TBC1D22A: variants seen among roughly 807,000 people sequenced by gnomAD.
TBC1D22A encodes TBC1 domain family member 22A.
A neutral mutation model predicts 60.2 loss-of-function variants in TBC1D22A; 38 were observed. The observed-to-expected ratio is 0.63, with a 90% CI of 0.49 to 0.83. The LOEUF (loss-of-function observed/expected upper bound fraction) is 0.83, where lower values mean the gene tolerates loss of function less well. TBC1D22A is among the 40% of genes least tolerant of loss of function. The pLI, the probability that TBC1D22A is intolerant of heterozygous loss-of-function variation, is 0.00. For missense variants in TBC1D22A, 628 were observed against 701.0 expected (o/e 0.90, Z 1.18); for synonymous variants, 302 against 281.7 (o/e 1.07, Z -0.72).
chr22:47,162,847 G>A (rs1057442268), intron 12 of TBC1D22A, among the ~76,000 whole-genome samples: 1 of 149,964 alleles, frequency 6.7e-6, no homozygotes, highest in Non-Finnish European at 1.5e-5. Context: ...GTGGGACTGC[G>A]GACCCGGTGT....
chr22:46,909,206 T>G (rs73478566), intron 7 of TBC1D22A, among the ~76,000 whole-genome samples: 5 of 151,928 alleles, frequency 3.3e-5, no homozygotes, highest in Admixed American at 6.6e-5. Flanking sequence ...TGTGTGTGTG[T>G]GCGTGCATGT....
intron 4 of TBC1D22A, among the ~76,000 whole-genome samples, chr22:46,847,004 G>T (rs773035521): frequency 6.6e-6 from 1 of 152,156 alleles, no homozygotes; most frequent in African/African-American, 2.4e-5. Flanking sequence ...GGAATCTCGC[G>T]TGGGGTTCAG....
intron 12 of TBC1D22A, among the ~76,000 whole-genome samples, chr22:47,114,955 G>A (rs545500367): frequency 1.3e-5 from 2 of 152,042 alleles, no homozygotes; most frequent in East Asian, 1.9e-4. Flanking sequence ...AGCCTCATGC[G>A]GGCATGGTTT....
intron 8 of TBC1D22A, among the ~76,000 whole-genome samples, chr22:46,953,631 A>G (rs1193092284): frequency 1.3e-5 from 2 of 152,212 alleles, no homozygotes; most frequent in East Asian, 1.9e-4. Context: ...TTTACTGGGT[A>G]CAGAATCCTG....
At chr22:46,884,474 G>A (rs1444179618) in intron 5 of TBC1D22A, among the ~76,000 whole-genome samples, 1 of 152,200 alleles carries the variant, frequency 6.6e-6, no homozygotes, top group African/African-American at 2.4e-5. Context: ...AGTGCCGTGG[G>A]CTCCTCCCAC....
intron 4 of TBC1D22A, among the ~76,000 whole-genome samples, chr22:46,869,806 A>G (rs1270213197): frequency 6.6e-6 from 1 of 152,230 alleles, no homozygotes; most frequent in Non-Finnish European, 1.5e-5. Context: ...TTAATAAGAA[A>G]TGAATCTTAA....
At chr22:47,156,533 G>A (rs1329190431) in intron 12 of TBC1D22A, among the ~76,000 whole-genome samples, 2 of 152,164 alleles carry the variant, frequency 1.3e-5, no homozygotes, top group African/African-American at 2.4e-5. Flanking sequence ...TGCCTAGCTT[G>A]AGGCTGGCCG....
In TBC1D22A at chr22:46,999,110, G is replaced by A. The variant is rs543491753; in HGVS notation, c.1201+1401G>A. Among the ~76,000 whole-genome samples, 7 of 152,320 alleles carry A rather than the reference G, an allele frequency of 4.6e-5. No homozygotes were observed. In the East Asian group the frequency reaches 9.7e-4, roughly 21 times the overall value. ...CTTGGAAGGCGTATTTCGTGTTTTC[G>A]TGGAGGTTAGAAAGTTGTGGTTAGT... On this transcript the variant is annotated intron_variant, in intron 10 of 12. Coordinates refer to ENST00000337137, the MANE Select transcript of TBC1D22A (RefSeq NM_014346.5).
intron 11 of TBC1D22A, among the ~76,000 whole-genome samples, chr22:47,075,881 A>G (rs1373490616): frequency 6.6e-6 from 1 of 152,182 alleles, no homozygotes; most frequent in African/African-American, 2.4e-5. Context: ...TCATGACTAA[A>G]GAAAGTTGCA....
At chr22:46,786,205 A>G (rs1478133337) in intron 1 of TBC1D22A, among the ~76,000 whole-genome samples, 1 of 152,218 alleles carries the variant, frequency 6.6e-6, no homozygotes, top group African/African-American at 2.4e-5. Context: ...TAGTTTGTTG[A>G]TAATTTTTAT....
chr22:47,052,454 G>T (rs770818558), intron 11 of TBC1D22A, among the ~76,000 whole-genome samples: 1 of 152,180 alleles, frequency 6.6e-6, no homozygotes, highest in Admixed American at 6.5e-5. Context: ...GATCCATTTA[G>T]AAGGAGACAG....
chr22:46,813,505 T>C (rs2085468219), intron 4 of TBC1D22A, among the ~76,000 whole-genome samples: 1 of 152,248 alleles, frequency 6.6e-6, no homozygotes, highest in African/African-American at 2.4e-5. Flanking sequence ...GAAGAATGCT[T>C]TAATAATAGT....
intron 8 of TBC1D22A, among the ~76,000 whole-genome samples, chr22:46,965,443 T>G (rs6008008): frequency 6.6e-6 from 1 of 152,238 alleles, no homozygotes; most frequent in South Asian, 2.1e-4. Flanking sequence ...CCGGCTGCAC[T>G]GTCTGGGCTC....
chr22:47,086,573 G>A (rs1460130900), intron 11 of TBC1D22A, among the ~76,000 whole-genome samples: 3 of 152,156 alleles, frequency 2.0e-5, no homozygotes, highest in Non-Finnish European at 2.9e-5. Flanking sequence ...CAATTATTTC[G>A]GGATAAAAGT....
chr22:47,035,772 T>C (rs577289516), intron 10 of TBC1D22A, among the ~76,000 whole-genome samples: 1 of 152,220 alleles, frequency 6.6e-6, no homozygotes, highest in Admixed American at 6.5e-5. Context: ...CCAGCCCCTG[T>C]CCTTAGGTGA....
rs200278658 is a variant in TBC1D22A, at chr22:47,066,349, G to A, written c.1329+29151G>A. 3.3e-5 allele frequency among the ~76,000 whole-genome samples: 5 copies of A among 152,300 alleles called. No individual in the cohort carries two copies. In the East Asian group the frequency reaches 5.8e-4, roughly 18 times the overall value. The stretch of plus-strand genomic sequence containing the variant: ...GGGGGTTCCTCGGAATGCTGGTGGC[G>A]TGTGCCGGGACGTACGTGCGGGACT... On this transcript the variant is annotated intron_variant, in intron 11 of 12. Transcript: ENST00000337137.
chr22:47,110,282 C>G (rs1339284398), intron 11 of TBC1D22A, among the ~76,000 whole-genome samples: 2 of 152,096 alleles, frequency 1.3e-5, no homozygotes, highest in East Asian at 3.9e-4. Flanking sequence ...GAGTTCGAGA[C>G]CAGCCTGGCC....
chr22:46,864,954 G>A (rs1245134087), intron 4 of TBC1D22A, among the ~76,000 whole-genome samples: 1 of 152,160 alleles, frequency 6.6e-6, no homozygotes, highest in Non-Finnish European at 1.5e-5. Flanking sequence ...TGGTTGCTAT[G>A]AGCCTCCCAT....
chr22:46,826,058 A>G (rs2086047247), intron 4 of TBC1D22A, among the ~76,000 whole-genome samples: 1 of 151,612 alleles, frequency 6.6e-6, no homozygotes, highest in African/African-American at 2.4e-5. Flanking sequence ...AATTTTTTGT[A>G]TTTTTAGTGA....
Sources: gnomAD v4.1 joint callset for allele counts (sites outside exome capture counted in the v4.1 genomes callset) on GRCh38, gnomAD v4.1.1 for gene constraint, MANE v1.5 for transcripts, NCBI Gene and HGNC (gene_info 2026-07-23, HGNC 2026-07-21) for gene names.